F13A1: variants seen among roughly 807,000 people sequenced by gnomAD.
F13A1 encodes the protein FSF, A subunit.
In F13A1, 47 loss-of-function variants were observed where a neutral mutation model predicts 80.1. That is an observed-to-expected ratio of 0.59 (90% confidence interval 0.46 to 0.75). F13A1 has a LOEUF of 0.75. Ranked by LOEUF, F13A1 falls within the 30% of genes least tolerant of loss-of-function variation. F13A1 has a pLI of 0.00. For synonymous variants in F13A1, 349 were observed against 344.9 expected, an observed-to-expected ratio of 1.01 and a Z score of -0.13; for missense variants, 817 against 930.4, an observed-to-expected ratio of 0.88 and a Z score of 1.59.
At chr6:6,269,334 C>T (rs1384372897) in intron 3 of F13A1, among the ~76,000 whole-genome samples, 1 of 152,152 alleles carries the variant, frequency 6.6e-6, no homozygotes, top group Non-Finnish European at 1.5e-5. Flanking sequence ...TCTGATTCCT[C>T]TAAGTGATCC....
chr6:6,318,824 A>G, intron 1 of F13A1, 142 bp from the exon 2 acceptor site: 8 of 831,920 alleles, frequency 9.6e-6, no homozygotes, highest in Non-Finnish European at 5.6e-6. Flanking sequence ...TGCATAAATA[A>G]AAACTGAGAA....
chr6:6,217,570 C>T (rs1757117343), intron 8 of F13A1, among the ~76,000 whole-genome samples: 1 of 151,602 alleles, frequency 6.6e-6, no homozygotes, highest in African/African-American at 2.4e-5. Context: ...GGAGATATAC[C>T]TAATGCTGGA....
Position 6,315,941 on chromosome 6 carries a change from A to C in F13A1, c.130+2594T>G, listed in dbSNP as rs532323688. Among the ~76,000 whole-genome samples the C allele has an allele frequency of 3.3e-5, 5 of 151,044 alleles. No individual in the cohort carries two copies. In the South Asian group the frequency reaches 1.1e-3, roughly 32 times the overall value. The stretch of plus-strand genomic sequence containing the variant: ...AGTCGCTTAGCAAATTTCGTCCCTT[A>C]GTGACTTGGAGAAAACTTGATATAT... On this transcript the variant is annotated intron_variant, in intron 2 of 14. Coordinates refer to ENST00000264870, the MANE Select transcript of F13A1 (RefSeq NM_000129.4).
At chr6:6,302,929 T>G (rs1399204279) in intron 3 of F13A1, among the ~76,000 whole-genome samples, 2 of 152,232 alleles carry the variant, frequency 1.3e-5, no homozygotes, top group Admixed American at 1.3e-4. Context: ...AAAATTGTCT[T>G]TTTTACATTA....
At chr6:6,177,525 G>A (rs1012543300) in intron 11 of F13A1, among the ~76,000 whole-genome samples, 4 of 152,216 alleles carry the variant, frequency 2.6e-5, no homozygotes, top group Admixed American at 2.6e-4. Flanking sequence ...ATTGAGGTTT[G>A]GAGAAGCATT....
chr6:6,318,353 C>T (rs922092206), intron 2 of F13A1, among the ~76,000 whole-genome samples, 182 bp downstream of exon 2: 1 of 152,220 alleles, frequency 6.6e-6, no homozygotes, highest in African/African-American at 2.4e-5. Flanking sequence ...TCTGGGTCTT[C>T]GGTGCTTTCA....
intron 8 of F13A1, among the ~76,000 whole-genome samples, chr6:6,219,797 C>T (rs1299736786): frequency 6.6e-6 from 1 of 152,194 alleles, no homozygotes; most frequent in East Asian, 1.9e-4. Context: ...AGAAATAGCA[C>T]AGTCATCTTA....
intron 12 of F13A1, among the ~76,000 whole-genome samples, chr6:6,171,669 C>T (rs1760777766): frequency 6.6e-6 from 1 of 152,228 alleles, no homozygotes; most frequent in African/African-American, 2.4e-5. Context: ...TTAGATTATG[C>T]CACATTTCTG....
intron 13 of F13A1, among the ~76,000 whole-genome samples, chr6:6,156,338 A>G (rs1208565812): frequency 6.6e-6 from 1 of 152,222 alleles, no homozygotes; most frequent in African/African-American, 2.4e-5. Flanking sequence ...ACTTTTTGGA[A>G]AGAAATTACT....
chr6:6,300,236 C>T (rs1446542060), intron 3 of F13A1, among the ~76,000 whole-genome samples: 1 of 145,432 alleles, frequency 6.9e-6, no homozygotes, highest in African/African-American at 2.8e-5. Context: ...CCTACAGAGG[C>T]AGGCTGGCCT....
At chr6:6,153,118 A>G (rs1760407271) in intron 13 of F13A1, among the ~76,000 whole-genome samples, 1 of 152,236 alleles carries the variant, frequency 6.6e-6, no homozygotes, top group African/African-American at 2.4e-5. Context: ...TGTCCAGTAA[A>G]TATTTATTAA....
At chr6:6,197,174 A>G (rs944935625) in intron 9 of F13A1, 49 bp downstream of exon 9, 12 of 1,575,652 alleles carry the variant, frequency 7.6e-6, no homozygotes, top group Non-Finnish European at 1.0e-5. Flanking sequence ...TAAAAGCAAA[A>G]CAAAGATCAG....
intron 2 of F13A1, among the ~76,000 whole-genome samples, chr6:6,311,543 C>T (rs1241879107): frequency 6.9e-6 from 1 of 145,346 alleles, no homozygotes; most frequent in Non-Finnish European, 1.5e-5. Flanking sequence ...AGACAAAACC[C>T]CAGCTCATGG....
chr6:6,283,271 A>G (rs1400056375), intron 3 of F13A1, among the ~76,000 whole-genome samples: 1 of 152,240 alleles, frequency 6.6e-6, no homozygotes, highest in African/African-American at 2.4e-5. Context: ...ATCTGTTCCA[A>G]ATTAAAGAAA....
Position 6,182,191 on chromosome 6 carries a change from C to T in F13A1, c.1306-50G>A, listed in dbSNP as rs781239683. 1.9e-6 allele frequency: 3 copies of T among 1,606,392 alleles called. No homozygotes were observed. The Admixed American group carries it at 5.0e-5, about 27-fold the overall frequency. ...AGCCATCATCACATGTCTGCTGTTG[C>T]CAAAGTCTTTAACTGTCCATAGAGC... On this transcript the variant is annotated intron_variant, in intron 10 of 14. Coordinates refer to ENST00000264870, the MANE Select transcript of F13A1 (RefSeq NM_000129.4).
At chr6:6,241,315 A>C (rs1757480918) in intron 6 of F13A1, among the ~76,000 whole-genome samples, 1 of 152,088 alleles carries the variant, frequency 6.6e-6, no homozygotes, top group Non-Finnish European at 1.5e-5. Context: ...TTTATAAAAG[A>C]CCAGATGGAA....
At chr6:6,268,310 A>G (rs1326091458) in intron 3 of F13A1, among the ~76,000 whole-genome samples, 1 of 152,242 alleles carries the variant, frequency 6.6e-6, no homozygotes, top group African/African-American at 2.4e-5. Context: ...ACAAAAGATG[A>G]GAAGGAAACC....
intron 8 of F13A1, among the ~76,000 whole-genome samples, chr6:6,208,161 C>T (rs1043521964): frequency 6.6e-6 from 1 of 152,078 alleles, no homozygotes; most frequent in East Asian, 1.9e-4. Context: ...AGAATTATAT[C>T]TCATCAAATA....
intron 3 of F13A1, among the ~76,000 whole-genome samples, chr6:6,274,467 C>G (rs186608529): frequency 6.6e-6 from 1 of 152,310 alleles, no homozygotes; most frequent in Non-Finnish European, 1.5e-5. Flanking sequence ...AAGTGCACCA[C>G]TTAGATGGCT....
Sources: gnomAD v4.1 joint callset for allele counts (sites outside exome capture counted in the v4.1 genomes callset) on GRCh38, gnomAD v4.1.1 for gene constraint, MANE v1.5 for transcripts, NCBI Gene and HGNC (gene_info 2026-07-23, HGNC 2026-07-21) for gene names.